The following ACSM3 variants were observed in gnomAD, a reference collection of about 807,000 sequenced individuals.
ACSM3 encodes acyl-CoA synthetase medium chain family member 3.
ACSM3 carries 61 observed loss-of-function variants against 74.1 expected under a neutral mutation model. The ratio of observed to expected loss-of-function variants is 0.82; its 90% confidence interval spans 0.67 to 1.02. ACSM3 has a LOEUF of 1.02. Among genes scored for constraint, ACSM3 ranks in the 50% least tolerant of loss-of-function variants. ACSM3 has a pLI of 0.00. For missense variants in ACSM3, 660 were observed against 697.0 expected (o/e 0.95, Z 0.60); for synonymous variants, 213 against 241.5 (o/e 0.88, Z 1.09).
chr16:20,738,899 A>G lies in ACSM3; in HGVS notation c.-189-11011A>G, dbSNP rs550393731. ...ATCTTAGCAAGTATTTGTCACACCTATCCCAAGTGTCCTGATGAAGACAAC... is the reference window on the plus strand; with the variant it reads ...ATCTTAGCAAGTATTTGTCACACCTGTCCCAAGTGTCCTGATGAAGACAAC... On this transcript the variant is annotated intron_variant, in intron 1 of 3. Transcript: ENST00000561584. 3 of 1,614,128 alleles carry G rather than the reference A, an allele frequency of 1.9e-6. No individual in the cohort carries two copies. In the Admixed American group the frequency reaches 5.0e-5, roughly 27 times the overall value.
intron 1 of ACSM3, chr16:20,741,992 A>G (rs2079931653): frequency 6.6e-7 from 1 of 1,508,400 alleles, no homozygotes; most frequent in Non-Finnish European, 8.9e-7. Flanking sequence ...GCAGCATAGC[A>G]GCCATTCTGG....
At chr16:20,745,053 G>C (rs2079952031) in intron 1 of ACSM3, among the ~76,000 whole-genome samples, 1 of 152,162 alleles carries the variant, frequency 6.6e-6, no homozygotes, top group Admixed American at 6.5e-5. Context: ...GCAGCTGCCG[G>C]GGCTGCGTCC....
intron 1 of ACSM3, among the ~76,000 whole-genome samples, chr16:20,710,459 CA>C (rs1186836926): frequency 6.6e-6 from 1 of 152,052 alleles, no homozygotes; most frequent in East Asian, 1.9e-4. Context: ...GAGATAAAAG[CA>C]TTAAAAGAAT....
intron 1 of ACSM3, among the ~76,000 whole-genome samples, chr16:20,700,212 C>T (rs1165375528): frequency 2.0e-5 from 3 of 152,144 alleles, no homozygotes; most frequent in Non-Finnish European, 4.4e-5. Flanking sequence ...ACCTATGATA[C>T]ATTCATTCAT....
intron 3 of ACSM3, among the ~76,000 whole-genome samples, chr16:20,757,165 T>C (rs2080038490): frequency 6.6e-6 from 1 of 152,238 alleles, no homozygotes; most frequent in Admixed American, 6.5e-5. Context: ...TTTCCAATTC[T>C]GTGCAGAAAG....
At chr16:20,719,844 C>T (rs1209937674) in intron 1 of ACSM3, among the ~76,000 whole-genome samples, 3 of 152,142 alleles carry the variant, frequency 2.0e-5, no homozygotes, top group African/African-American at 7.2e-5. Context: ...ATTCTCAGAA[C>T]GTAATACTCT....
intron 1 of ACSM3, chr16:20,729,368 T>G: frequency 1.5e-6 from 2 of 1,376,638 alleles, no homozygotes; most frequent in Non-Finnish European, 2.1e-6. Context: ...GTTTGTAGAT[T>G]TGCCACTCTT....
intron 1 of ACSM3, chr16:20,738,071 A>G: frequency 1.0e-6 from 1 of 990,756 alleles, no homozygotes; most frequent in Non-Finnish European, 1.5e-6. Context: ...CTCATAATGA[A>G]TTTTAAATGA....
chr16:20,701,225 T>C (rs958215723), intron 1 of ACSM3, among the ~76,000 whole-genome samples: 3 of 152,170 alleles, frequency 2.0e-5, no homozygotes, highest in Non-Finnish European at 1.5e-5. Flanking sequence ...AGCTAGTTTT[T>C]CCTGCTTATA....
At position 20,741,480 on chromosome 16, in the gene ACSM3, G is replaced by C. The variant is rs201553668; in HGVS notation, c.-189-8430G>C. ...CCTCCTCCCGCAAGGCCTGGCAGCC[G>C]GCCCGCCCGCCCACCCCGGGACCGG... On this transcript the variant is annotated intron_variant, in intron 1 of 3. Coordinates refer to the ACSM3 transcript ENST00000561584. The C allele has an allele frequency of 2.9e-5, 39 of 1,340,420 alleles. 2 individuals carry two copies. The East Asian group carries it at 9.4e-4, about 32-fold the overall frequency. The allele number at this position is 1,340,420 out of a possible 1,614,324, so 83.0% of individuals were successfully genotyped here. A position where few individuals can be genotyped will look rare whatever the true frequency, so the allele number is the denominator to read the frequency against.
chr16:20,779,821 G>C (rs974156107), intron 4 of ACSM3: 3 of 176,666 alleles, frequency 1.7e-5, no homozygotes, highest in Admixed American at 6.0e-5. Context: ...ACCCAGGCTG[G>C]AGTACGGTGG....
chr16:20,700,437 T>C (rs1158134799), intron 1 of ACSM3, among the ~76,000 whole-genome samples: 2 of 151,798 alleles, frequency 1.3e-5, no homozygotes, highest in East Asian at 3.9e-4. Context: ...CTAAGGATGT[T>C]CTCCCTTAAG....
chr16:20,759,065 G>A (rs2080054916), upstream of ACSM3, among the ~76,000 whole-genome samples: 1 of 152,144 alleles, frequency 6.6e-6, no homozygotes, highest in Non-Finnish European at 1.5e-5. Context: ...GAGATGACTA[G>A]GGGTTAGGGG....
intron 3 of ACSM3, among the ~76,000 whole-genome samples, chr16:20,776,958 C>T (rs1158489825): frequency 6.6e-6 from 1 of 152,226 alleles, no homozygotes; most frequent in Non-Finnish European, 1.5e-5. Context: ...AATCCCTGCA[C>T]TGTCACTTAC....
In ACSM3 at chr16:20,712,740, T is replaced by TA. The variant is rs200467690; in HGVS notation, c.-189-37156dup. 3.0e-3 allele frequency among the ~76,000 whole-genome samples: 417 copies of TA among 139,722 alleles called. 1 individual carries two copies. The highest frequency in any genetic ancestry group is 3.8e-3 in the Middle Eastern group (1 of 266). 91.7% of individuals were successfully genotyped at this position (139,722 alleles called of 152,430 possible). A position where few individuals can be genotyped will look rare whatever the true frequency, so the allele number is the denominator to read the frequency against. On this transcript the variant is annotated intron_variant, in intron 1 of 3. Transcript: ENST00000561584. ...GGCCAACATGGTGAAAACCTGTCTCTAAAAAAAAAAAAAAGTACAAAAATT... is the reference window on the plus strand; with the variant it reads ...GGCCAACATGGTGAAAACCTGTCTCTAAAAAAAAAAAAAAAGTACAAAAATT...
chr16:20,690,895 G>T, intron 1 of ACSM3: 2 of 1,130,328 alleles, frequency 1.8e-6, no homozygotes, highest in Non-Finnish European at 2.5e-6. Flanking sequence ...ATAAGTTGAG[G>T]CAGAAGTAAC....
rs748863677 is a variant in ACSM3 at position 20,790,671 on chromosome 16, CT to C, written c.1314del (p.Phe438LeufsTer5). ...IQVLPNRPFG[L>X]FTHYVDNPSK... ...AGTTCTACCCAACCGACCATTTGGC[CT>C]TTTTACTCATTACGTAGTAAGTGAC... On this transcript the variant is annotated frameshift_variant, in exon 10 of 14. Coordinates refer to ENST00000289416, the MANE Select transcript of ACSM3 (RefSeq NM_005622.4). LOFTEE classifies it high-confidence loss of function. The surrounding 1 kb of genome is among the most constrained non-coding windows in gnomAD (Gnocchi z 4.0). 4.0e-5 allele frequency: 64 copies of C among 1,614,056 alleles called. No homozygotes were observed. The African/African-American group carries it at 6.5e-4, about 16-fold the overall frequency.
At chr16:20,717,416 G>A (rs1352033482) in intron 1 of ACSM3, among the ~76,000 whole-genome samples, 1 of 152,206 alleles carries the variant, frequency 6.6e-6, no homozygotes, top group Non-Finnish European at 1.5e-5. Context: ...AGTTTTATCA[G>A]TGAAAGGAAG....
intron 1 of ACSM3, chr16:20,703,874 G>A (rs1054458625): frequency 1.3e-5 from 2 of 152,140 alleles, no homozygotes; most frequent in African/African-American, 4.8e-5. Context: ...CACAAATATT[G>A]ATAGTTATTG....
Sources: gnomAD v4.1 joint callset for allele counts (sites outside exome capture counted in the v4.1 genomes callset) on GRCh38, gnomAD v4.1.1 for gene constraint, Gnocchi (gnomAD v3.1) non-coding constraint, MANE v1.5 for transcripts, NCBI Gene and HGNC (gene_info 2026-07-23, HGNC 2026-07-21) for gene names.